Variants in ZCCHC7 observed in about 807,000 individuals in gnomAD.
ZCCHC7 encodes the protein zinc finger CCHC domain-containing protein 7.
A neutral mutation model predicts 52.0 loss-of-function variants in ZCCHC7; 35 were observed. The ratio of observed to expected loss-of-function variants is 0.67; its 90% CI spans 0.51 to 0.89. The LOEUF (loss-of-function observed/expected upper bound fraction) is 0.89. Among genes scored for constraint, ZCCHC7 ranks in the 40% least tolerant of loss-of-function variants. The pLI, the probability that ZCCHC7 is intolerant of heterozygous loss-of-function variation, is 0.00. For synonymous variants in ZCCHC7, 217 were observed against 221.5 expected, an observed-to-expected ratio of 0.98 and a Z score of 0.18; for missense variants, 574 against 649.1, an observed-to-expected ratio of 0.88 and a Z score of 1.26.
chr9:37,298,015 A>G (rs1311874169), intron 2 of ZCCHC7, among the ~76,000 whole-genome samples: 1 of 152,230 alleles, frequency 6.6e-6, no homozygotes, highest in East Asian at 1.9e-4. Flanking sequence ...TTACCACTGC[A>G]TCTCCAACAA....
intron 2 of ZCCHC7, among the ~76,000 whole-genome samples, chr9:37,162,769 T>G (rs1341479407): frequency 6.6e-6 from 1 of 152,174 alleles, no homozygotes; most frequent in East Asian, 1.9e-4. Context: ...GTGTTTATCT[T>G]TCGAAGGAAA....
At chr9:37,278,783 G>T (rs766264272) in intron 2 of ZCCHC7, among the ~76,000 whole-genome samples, 18 of 152,192 alleles carry the variant, frequency 1.2e-4, no homozygotes, top group Non-Finnish European at 2.5e-4. Context: ...CATCTTTAAA[G>T]TGCTTAGGGA....
At chr9:37,355,894 A>T (rs1821670783) in intron 8 of ZCCHC7, among the ~76,000 whole-genome samples, 1 of 152,242 alleles carries the variant, frequency 6.6e-6, no homozygotes, top group Non-Finnish European at 1.5e-5. Context: ...GATTAAAAAG[A>T]ATTGCATGAA....
At position 37,349,464 on chromosome 9, in the gene ZCCHC7, T is replaced by C. The variant is rs1821230767; in HGVS notation, c.1083+12T>C. The C allele has an allele frequency of 1.2e-6, 2 of 1,612,370 alleles. No individual in the cohort carries two copies. Among genetic ancestry groups the C allele is most frequent in the Non-Finnish European group, 1.7e-6 (2 of 1,178,922 alleles). On this transcript the variant is annotated intron_variant, in intron 7 of 8. Transcript: ENST00000336755. Reference sequence around the variant, plus strand: ...GCCATTATGGACACGTAAGTTTGAGTGACATTTGGGCATGAAGCATTCTGT... The same window carrying C: ...GCCATTATGGACACGTAAGTTTGAGCGACATTTGGGCATGAAGCATTCTGT...
intron 2 of ZCCHC7, among the ~76,000 whole-genome samples, chr9:37,209,907 A>G (rs1195568607): frequency 6.6e-6 from 1 of 152,166 alleles, no homozygotes; most frequent in South Asian, 2.1e-4. Flanking sequence ...TTTCTGGATT[A>G]TTGGTTTCTC....
intron 2 of ZCCHC7, among the ~76,000 whole-genome samples, chr9:37,169,924 T>A (rs1821637063): frequency 6.6e-6 from 1 of 151,916 alleles, no homozygotes. Flanking sequence ...AAGATAGGGC[T>A]TGGTGGCATG....
At chr9:37,208,365 C>T (rs896765613) in intron 2 of ZCCHC7, among the ~76,000 whole-genome samples, 10 of 152,162 alleles carry the variant, frequency 6.6e-5, no homozygotes, top group Non-Finnish European at 1.0e-4. Context: ...GGATCACAGA[C>T]GTGAGCCACC....
At chr9:37,291,026 G>C (rs1477948717) in intron 2 of ZCCHC7, among the ~76,000 whole-genome samples, 1 of 152,182 alleles carries the variant, frequency 6.6e-6, no homozygotes, top group Non-Finnish European at 1.5e-5. Context: ...TTATTGTGCT[G>C]CCTAAAGTAT....
At chr9:37,128,561 A>G (rs1225721294) in intron 2 of ZCCHC7, among the ~76,000 whole-genome samples, 1 of 152,092 alleles carries the variant, frequency 6.6e-6, no homozygotes, top group Non-Finnish European at 1.5e-5. Flanking sequence ...AGAAGCTACT[A>G]CTCTTACATG....
At chr9:37,287,283 A>G (rs1364024049) in intron 2 of ZCCHC7, among the ~76,000 whole-genome samples, 2 of 151,662 alleles carry the variant, frequency 1.3e-5, no homozygotes, top group East Asian at 2.0e-4. Context: ...GTCATACATT[A>G]AAATCAATTT....
chr9:37,158,699 A>T (rs951008956), intron 2 of ZCCHC7, among the ~76,000 whole-genome samples: 2 of 152,188 alleles, frequency 1.3e-5, no homozygotes, highest in Non-Finnish European at 2.9e-5. Context: ...TTATATATAA[A>T]ATTAATGTGG....
At chr9:37,241,213 A>G (rs545121697) in intron 2 of ZCCHC7, among the ~76,000 whole-genome samples, 2 of 151,966 alleles carry the variant, frequency 1.3e-5, no homozygotes, top group African/African-American at 2.4e-5. Flanking sequence ...AGTCCCAGTC[A>G]TACCTAAAAT....
At chr9:37,300,481 G>C in intron 2 of ZCCHC7, among the ~76,000 whole-genome samples, 1 of 152,190 alleles carries the variant, frequency 6.6e-6, no homozygotes, top group South Asian at 2.1e-4. Flanking sequence ...CATGGATACA[G>C]CCTCCAAATG....
chr9:37,336,040 C>T (rs1405175363), intron 6 of ZCCHC7, among the ~76,000 whole-genome samples: 1 of 152,066 alleles, frequency 6.6e-6, no homozygotes, highest in African/African-American at 2.4e-5. Flanking sequence ...AAACATACCC[C>T]AATTAGAATA....
intron 2 of ZCCHC7, among the ~76,000 whole-genome samples, chr9:37,155,419 C>CA (rs935867252): frequency 2.0e-5 from 3 of 151,792 alleles, no homozygotes; most frequent in Admixed American, 6.6e-5. Context: ...CCAAGTCAAC[C>CA]AAATTGATAT....
intron 5 of ZCCHC7, among the ~76,000 whole-genome samples, chr9:37,308,480 T>C (rs972581788): frequency 2.6e-5 from 4 of 151,914 alleles, no homozygotes; most frequent in African/African-American, 9.7e-5. Context: ...AGTTAAAAAT[T>C]ACTTGTAAAA....
intron 2 of ZCCHC7, among the ~76,000 whole-genome samples, chr9:37,130,363 T>A (rs1456619824): frequency 1.5e-5 from 2 of 136,362 alleles, no homozygotes; most frequent in Non-Finnish European, 3.2e-5. Flanking sequence ...TTTTTTTTTT[T>A]TATAGCAGTG....
chr9:37,146,711 G>C (rs1002944236), intron 2 of ZCCHC7, among the ~76,000 whole-genome samples: 1 of 150,088 alleles, frequency 6.7e-6, no homozygotes. Flanking sequence ...TGGAAAATAA[G>C]AGAGAAGTCT....
intron 2 of ZCCHC7, among the ~76,000 whole-genome samples, chr9:37,231,268 T>C (rs1369501783): frequency 3.9e-5 from 6 of 152,182 alleles, no homozygotes; most frequent in Admixed American, 1.3e-4. Flanking sequence ...GGGGCTTTAA[T>C]TGGAATTGCA....
Sources: gnomAD v4.1 joint callset for allele counts (sites outside exome capture counted in the v4.1 genomes callset) on GRCh38, gnomAD v4.1.1 for gene constraint, MANE v1.5 for transcripts, NCBI Gene and HGNC (gene_info 2026-07-23, HGNC 2026-07-21) for gene names.